The following ARID4B variants were observed in gnomAD, a reference collection of about 807,000 sequenced individuals.
ARID4B encodes the protein AT-rich interactive domain-containing protein 4B.
In ARID4B, 26 loss-of-function variants were observed where a neutral mutation model predicts 147.5. The observed-to-expected ratio is 0.18, with a 90% CI of 0.13 to 0.24. The LOEUF (loss-of-function observed/expected upper bound fraction) is 0.24, where lower values mean the gene tolerates loss of function less well. Among genes scored for constraint, ARID4B ranks in the 10% least tolerant of loss-of-function variants. ARID4B has a pLI of 1.00. For synonymous variants in ARID4B, 512 were observed against 507.9 expected (o/e 1.01, Z -0.11); for missense variants, 1,179 against 1,511.5 (o/e 0.78, Z 3.65).
At chr1:235,271,177 A>C (rs963642260) in intron 2 of ARID4B, among the ~76,000 whole-genome samples, 2 of 151,956 alleles carry the variant, frequency 1.3e-5, no homozygotes, top group African/African-American at 4.8e-5. Context: ...ACATAGCGAG[A>C]CTTCATCTCT....
At chr1:235,214,487 G>C (rs1666923967) in intron 16 of ARID4B, among the ~76,000 whole-genome samples, 1 of 152,026 alleles carries the variant, frequency 6.6e-6, no homozygotes. Flanking sequence ...ACAGAGTCTT[G>C]CTCTGTCACC....
Position 235,220,478 on chromosome 1 carries a change from T to G in ARID4B, c.1231A>C (p.Lys411Gln), listed in dbSNP as rs778215618. Residue 411 changes from lysine (K) to glutamine (Q), a missense_variant, in exon 15 of 24, where the codon AAA becomes CAA. Lys to Gln is a moderately conservative substitution (Grantham distance 53). Coordinates refer to ENST00000264183, the MANE Select transcript of ARID4B (RefSeq NM_016374.6). ...NIEFQMALPE[K>Q]VVNKQCKECE... ...TCCTTACATTGCTTGTTAACAACTTTCTCTGGCAATGCCATCTGAAATTCA... is the reference window on the plus strand; with the variant it reads ...TCCTTACATTGCTTGTTAACAACTTGCTCTGGCAATGCCATCTGAAATTCA... 6.2e-7 allele frequency: 1 copy of G among 1,612,712 alleles called. No individual in the cohort carries two copies. The highest frequency in any genetic ancestry group is 2.2e-5 in the East Asian group (1 of 44,740).
At chr1:235,307,522 GAGA>G (rs1466639657) in intron 2 of ARID4B, among the ~76,000 whole-genome samples, 1 of 152,202 alleles carries the variant, frequency 6.6e-6, no homozygotes, top group African/African-American at 2.4e-5. Context: ...TGCAATTTAA[GAGA>G]AGGTTGACTG....
At chr1:235,255,267 A>ATCTATCTGTCTATC (rs772853750) in intron 5 of ARID4B, among the ~76,000 whole-genome samples, 1 of 137,154 alleles carries the variant, frequency 7.3e-6, no homozygotes, top group Non-Finnish European at 1.6e-5. Flanking sequence ...AGATAGATAT[A>ATCTATCTGTCTATC]TATCTCTCTC....
chr1:235,277,915 G>A (rs1010125434), intron 2 of ARID4B, among the ~76,000 whole-genome samples: 1 of 152,066 alleles, frequency 6.6e-6, no homozygotes, highest in African/African-American at 2.4e-5. Flanking sequence ...CTTACTGGTA[G>A]GTCACAGTGG....
chr1:235,324,839 AT>A (rs1292081065), intron 2 of ARID4B, among the ~76,000 whole-genome samples: 4 of 152,184 alleles, frequency 2.6e-5, no homozygotes, highest in Non-Finnish European at 5.9e-5. Context: ...AGGTGGGAGG[AT>A]TATTTGAGCC....
chr1:235,217,963 G>T (rs1399024096), intron 16 of ARID4B, among the ~76,000 whole-genome samples: 1 of 152,122 alleles, frequency 6.6e-6, no homozygotes, highest in African/African-American at 2.4e-5. Context: ...CTCTGATAAA[G>T]TTTAATTTAT....
chr1:235,276,869 G>A (rs113164924), intron 2 of ARID4B, among the ~76,000 whole-genome samples: 38 of 151,812 alleles, frequency 2.5e-4, no homozygotes, highest in African/African-American at 8.5e-4. Flanking sequence ...GAGTGGTAGC[G>A]GGTGCCTGTA....
At chr1:235,300,596 A>G (rs1412314955) in intron 2 of ARID4B, among the ~76,000 whole-genome samples, 1 of 152,208 alleles carries the variant, frequency 6.6e-6, no homozygotes, top group Non-Finnish European at 1.5e-5. Flanking sequence ...CATAACACAT[A>G]CAAAGCAGTA....
chr1:235,223,197 C>T lies in ARID4B; in HGVS notation c.1034G>A (p.Arg345Lys). 2.5e-6 allele frequency: 4 copies of T among 1,588,510 alleles called. No homozygotes were observed. Among genetic ancestry groups the T allele is most frequent in the Non-Finnish European group, 3.4e-6 (4 of 1,166,880 alleles). ...YRNLNLFKLF[R>K]LVHKLGGFDN... ...AAATCCTCCAAGTTTGTGTACAAGT[C>T]TGAATAACTTAAAGAGATTCAAATT... The change falls in exon 13 of 24, where the codon AGA becomes AAA. Residue 345 changes from arginine (R) to lysine (K), a missense_variant. Coordinates refer to ENST00000264183, the MANE Select transcript of ARID4B (RefSeq NM_016374.6).
intron 2 of ARID4B, among the ~76,000 whole-genome samples, chr1:235,262,267 A>G (rs911458923): frequency 3.9e-5 from 6 of 152,206 alleles, no homozygotes; most frequent in East Asian, 1.9e-4. Context: ...TTCTAGTGCT[A>G]TAACAGGAGT....
At chr1:235,232,005 A>G (rs952421653) in intron 9 of ARID4B, among the ~76,000 whole-genome samples, 5 of 152,214 alleles carry the variant, frequency 3.3e-5, no homozygotes, top group Non-Finnish European at 5.9e-5. Context: ...CTGTAGTCCC[A>G]GCTACTTGGG....
At chr1:235,245,526 G>C (rs1315223124) in intron 7 of ARID4B, among the ~76,000 whole-genome samples, 1 of 151,684 alleles carries the variant, frequency 6.6e-6, no homozygotes, top group Non-Finnish European at 1.5e-5. Context: ...ACAAATAAGA[G>C]ACTATTTTTC....
At chr1:235,306,742 A>G (rs1431793173) in intron 2 of ARID4B, among the ~76,000 whole-genome samples, 1 of 151,316 alleles carries the variant, frequency 6.6e-6, no homozygotes, top group East Asian at 2.0e-4. Flanking sequence ...TACAACTTTC[A>G]CCTCCCGGAT....
chr1:235,203,349 C>T (rs757179541), intron 17 of ARID4B, among the ~76,000 whole-genome samples: 19 of 152,132 alleles, frequency 1.2e-4, no homozygotes, highest in Non-Finnish European at 2.4e-4. Context: ...GCTTTTGGTT[C>T]TTCTTAAACC....
chr1:235,234,066 G>A (rs1232208440), intron 9 of ARID4B, among the ~76,000 whole-genome samples: 1 of 152,284 alleles, frequency 6.6e-6, no homozygotes, highest in South Asian at 2.1e-4. Flanking sequence ...GTGACAGAGT[G>A]AGACTCCGTC....
At chr1:235,220,580 A>C in intron 14 of ARID4B, 35 bp from the exon 15 acceptor site, 1 of 1,478,276 alleles carries the variant, frequency 6.8e-7, no homozygotes, top group Non-Finnish European at 9.0e-7. Context: ...TTTGGTGAAA[A>C]CATTTCAAAA....
At chr1:235,201,788 G>C (rs930850839) in intron 17 of ARID4B, among the ~76,000 whole-genome samples, 2 of 151,996 alleles carry the variant, frequency 1.3e-5, no homozygotes, top group South Asian at 4.1e-4. Flanking sequence ...GGAGGCTGAG[G>C]CAGGAGAATC....
chr1:235,260,841 G>A (rs1246951876), intron 2 of ARID4B, 89 bp from the exon 3 acceptor site: 1 of 823,452 alleles, frequency 1.2e-6, no homozygotes, highest in Non-Finnish European at 1.9e-6. Flanking sequence ...ATCTTGTTAA[G>A]CTACAACAGT....
Sources: gnomAD v4.1 joint callset for allele counts (sites outside exome capture counted in the v4.1 genomes callset) on GRCh38, gnomAD v4.1.1 for gene constraint, MANE v1.5 for transcripts, NCBI Gene and HGNC (gene_info 2026-07-23, HGNC 2026-07-21) for gene names.